Variants in FGF12 observed in about 807,000 individuals in gnomAD.
FGF12 encodes the protein fibroblast growth factor 12.
Under a neutral mutation model 23.6 loss-of-function variants are expected in FGF12, and 14 were observed. The ratio of observed to expected loss-of-function variants is 0.59; its 90% confidence interval spans 0.39 to 0.93. The LOEUF is 0.93. Among genes scored for constraint, FGF12 ranks in the 40% least tolerant of loss-of-function variants. FGF12 has a pLI of 0.00. For missense variants in FGF12, 175 were observed against 217.8 expected (o/e 0.80, Z 1.24); for synonymous variants, 62 against 77.3 (o/e 0.80, Z 1.04).
chr3:192,173,501 T>C (rs1437035906), intron 4 of FGF12, among the ~76,000 whole-genome samples: 1 of 139,310 alleles, frequency 7.2e-6, no homozygotes, highest in African/African-American at 2.5e-5. Flanking sequence ...AGATTCAATA[T>C]AGATGATAAT....
At chr3:192,205,749 T>C (rs1252272038) in intron 4 of FGF12, among the ~76,000 whole-genome samples, 1 of 152,212 alleles carries the variant, frequency 6.6e-6, no homozygotes, top group Non-Finnish European at 1.5e-5. Flanking sequence ...GGCTCCCTGC[T>C]ATAATTGATT....
chr3:192,468,765 T>A (rs1723079548), intron 2 of FGF12, among the ~76,000 whole-genome samples: 1 of 132,342 alleles, frequency 7.6e-6, no homozygotes, highest in African/African-American at 4.3e-5. Flanking sequence ...AAATATCTGT[T>A]CTTCTCAAAA....
rs140056890 is a variant in FGF12 at position 192,360,463 on chromosome 3, G to T, written c.89C>A (p.Thr30Asn). ...GTTTTCGTCCTTGGTCCCATCAATG[G>T]TACCATCTGGGTGCATCTGCAGGAA... ...GYFLQMHPDGTIDGTKDENSD... is the reference protein window; with the variant it reads ...GYFLQMHPDGNIDGTKDENSD... The change falls in exon 3 of 6, where the codon ACC (threonine) becomes AAC (asparagine). Residue 30 changes from threonine to asparagine, a missense_variant. Thr to Asn is a moderately conservative substitution (Grantham distance 65). Transcript: ENST00000445105. This position sits in a 1 kb window ranked among gnomAD's most constrained non-coding sequence, Gnocchi z 4.3. 1.4e-5 allele frequency: 22 copies of T among 1,613,602 alleles called. No individual in the cohort carries two copies. Among genetic ancestry groups the T allele is most frequent in the Admixed American group, 1.3e-4 (8 of 59,968 alleles).
chr3:192,193,612 A>G (rs113611812), intron 4 of FGF12, among the ~76,000 whole-genome samples: 166 of 152,322 alleles, frequency 1.1e-3, no homozygotes, highest in African/African-American at 3.8e-3. Flanking sequence ...GTTAAAAATC[A>G]AGTATCATTT....
chr3:192,307,304 TA>T (rs1238981728), intron 4 of FGF12, among the ~76,000 whole-genome samples: 1 of 152,106 alleles, frequency 6.6e-6, no homozygotes, highest in Non-Finnish European at 1.5e-5. Flanking sequence ...TGATGCCAGA[TA>T]AAAAAGGCAC....
At chr3:192,415,970 AT>A (rs35120390) in intron 2 of FGF12, among the ~76,000 whole-genome samples, 55,441 of 151,774 alleles carry the variant, frequency 0.37, 10,227 homozygotes, top group Admixed American at 0.44. Flanking sequence ...AGTTGCTCTC[AT>A]TTCTAAATTT....
chr3:192,252,081 T>C (rs1712051095), intron 4 of FGF12, among the ~76,000 whole-genome samples: 1 of 152,084 alleles, frequency 6.6e-6, no homozygotes, highest in Non-Finnish European at 1.5e-5. Flanking sequence ...GTAAGTCTTT[T>C]TAATATAGAT....
intron 2 of FGF12, among the ~76,000 whole-genome samples, chr3:192,681,500 G>A (rs867463859): frequency 6.6e-5 from 10 of 152,298 alleles, no homozygotes; most frequent in South Asian, 6.2e-4. Context: ...GATTCTAGGC[G>A]GCAGGTGAAG....
At chr3:192,588,672 A>T (rs190765281) in intron 2 of FGF12, among the ~76,000 whole-genome samples, 1 of 152,026 alleles carries the variant, frequency 6.6e-6, no homozygotes, top group Non-Finnish European at 1.5e-5. Flanking sequence ...CCTACTTTAT[A>T]CATGAAGATG....
chr3:192,595,290 A>G (rs1713791741), intron 2 of FGF12, among the ~76,000 whole-genome samples: 1 of 152,188 alleles, frequency 6.6e-6, no homozygotes, highest in African/African-American at 2.4e-5. Context: ...TTATATTTGG[A>G]CCTGCTTCAC....
rs73066586 is a variant in FGF12, at chr3:192,327,220, C to T, written c.228+8141G>A. ...AAATCTAAAAGTCCTTCAGAAACAACAAAAACTAAAAGTACACTGTATTAT... is the reference window on the plus strand; with the variant it reads ...AAATCTAAAAGTCCTTCAGAAACAATAAAAACTAAAAGTACACTGTATTAT... On this transcript the variant is annotated intron_variant, in intron 4 of 5. Transcript: ENST00000445105. 9.8e-3 allele frequency among the ~76,000 whole-genome samples: 1,493 copies of T among 152,208 alleles called. 26 individuals carry two copies. The highest frequency in any genetic ancestry group is 0.034 in the African/African-American group (1,424 of 41,540).
intron 2 of FGF12, among the ~76,000 whole-genome samples, chr3:192,489,638 G>A (rs116209342): frequency 2.6e-5 from 4 of 152,086 alleles, no homozygotes; most frequent in Non-Finnish European, 5.9e-5. Context: ...TGAGGAGAAA[G>A]AGAGACTAGG....
At chr3:192,651,522 A>G (rs1265425430) in intron 2 of FGF12, among the ~76,000 whole-genome samples, 1 of 152,202 alleles carries the variant, frequency 6.6e-6, no homozygotes, top group Non-Finnish European at 1.5e-5. Context: ...TGAAGACAAA[A>G]AATAAAAAAT....
At chr3:192,580,273 G>A (rs186468778) in intron 2 of FGF12, among the ~76,000 whole-genome samples, 183 of 151,938 alleles carry the variant, frequency 1.2e-3, no homozygotes, top group African/African-American at 4.0e-3. Flanking sequence ...GCCAATGTGC[G>A]GTATTAGAAG....
chr3:192,502,712 G>C (rs1724167954), intron 2 of FGF12, among the ~76,000 whole-genome samples: 3 of 152,166 alleles, frequency 2.0e-5, no homozygotes, highest in African/African-American at 7.2e-5. Flanking sequence ...TCAGTCATGT[G>C]GCAGTAAGAA....
intron 4 of FGF12, among the ~76,000 whole-genome samples, chr3:192,214,262 G>C (rs756521240): frequency 3.0e-4 from 45 of 152,200 alleles, no homozygotes; most frequent in Non-Finnish European, 5.9e-4. Flanking sequence ...TTCAGAGCCA[G>C]AAAAGGCAAG....
chr3:192,252,791 T>C (rs1339292683), intron 4 of FGF12, among the ~76,000 whole-genome samples: 3 of 152,060 alleles, frequency 2.0e-5, no homozygotes, highest in Admixed American at 1.3e-4. Context: ...TCACATAAGA[T>C]ATATATCTCA....
intron 2 of FGF12, among the ~76,000 whole-genome samples, chr3:192,710,929 C>T (rs899759698): frequency 4.6e-5 from 7 of 152,156 alleles, no homozygotes; most frequent in Non-Finnish European, 1.0e-4. Flanking sequence ...TTTGAGGAAT[C>T]TTGGAAACGT....
At chr3:192,667,020 G>GA (rs1197186221) in intron 2 of FGF12, among the ~76,000 whole-genome samples, 4 of 152,010 alleles carry the variant, frequency 2.6e-5, no homozygotes, top group South Asian at 4.2e-4. Flanking sequence ...GAAGCAAAAG[G>GA]AAAAAAATCA....
Sources: gnomAD v4.1 joint callset for allele counts (sites outside exome capture counted in the v4.1 genomes callset) on GRCh38, gnomAD v4.1.1 for gene constraint, Gnocchi (gnomAD v3.1) non-coding constraint, MANE v1.5 for transcripts, NCBI Gene and HGNC (gene_info 2026-07-23, HGNC 2026-07-21) for gene names.